Variants in GRIK4 observed in about 807,000 individuals in gnomAD.
GRIK4 encodes glutamate ionotropic receptor kainate type subunit 4.
In GRIK4, 40 loss-of-function variants were observed where a neutral mutation model predicts 104.9. The observed-to-expected ratio is 0.38, with a 90% CI of 0.30 to 0.50. The LOEUF (loss-of-function observed/expected upper bound fraction) is 0.50. GRIK4 is among the 20% of genes least tolerant of loss of function. The pLI, the probability that GRIK4 is intolerant of heterozygous loss-of-function variation, is 0.93. For missense variants in GRIK4, 1,047 were observed against 1,308.1 expected (o/e 0.80, Z 3.08); for synonymous variants, 485 against 524.9 (o/e 0.92, Z 1.04).
At chr11:120,946,214 A>G (rs1222858089) in intron 14 of GRIK4, among the ~76,000 whole-genome samples, 1 of 152,200 alleles carries the variant, frequency 6.6e-6, no homozygotes, top group African/African-American at 2.4e-5. Context: ...CAATTTACCT[A>G]ATGATGTTTT....
At chr11:120,754,113 C>T (rs1314812948) in intron 3 of GRIK4, among the ~76,000 whole-genome samples, 1 of 152,174 alleles carries the variant, frequency 6.6e-6, no homozygotes, top group African/African-American at 2.4e-5. Context: ...TCATTGCAAC[C>T]TCCACTTCCC....
rs1942796226 is a variant in GRIK4, at chr11:120,903,529, C to G, written c.1273-1761C>G. ...TGGTTCTTTCCTCCTCTTTTCTCCC[C>G]TTTTCCAGGGATTTTCCCTTCCTGC... On this transcript the variant is annotated intron_variant, in intron 12 of 20. Transcript: ENST00000527524. This position sits in a 1 kb window ranked among gnomAD's most constrained non-coding sequence, Gnocchi z 4.4. Among the ~76,000 whole-genome samples the G allele has an allele frequency of 6.6e-6, 1 of 152,258 alleles. No homozygotes were observed. Among genetic ancestry groups the G allele is most frequent in the Admixed American group, 6.5e-5 (1 of 15,292 alleles).
intron 1 of GRIK4, among the ~76,000 whole-genome samples, chr11:120,584,774 TG>T (rs1948637228): frequency 1.3e-5 from 2 of 152,204 alleles, no homozygotes; most frequent in Non-Finnish European, 2.9e-5. Flanking sequence ...TAACACGAAA[TG>T]ATGTTGAATT....
At chr11:120,639,302 G>A (rs1949440709) in intron 1 of GRIK4, among the ~76,000 whole-genome samples, 1 of 152,210 alleles carries the variant, frequency 6.6e-6, no homozygotes, top group South Asian at 2.1e-4. Flanking sequence ...CATCAGGGGC[G>A]CAATGGACAG....
At chr11:120,777,286 T>G (rs1441312149) in intron 3 of GRIK4, among the ~76,000 whole-genome samples, 1 of 152,220 alleles carries the variant, frequency 6.6e-6, no homozygotes, top group East Asian at 1.9e-4. Context: ...TTTGGTGTCA[T>G]TTCTCTGTGA....
At chr11:120,689,014 A>T (rs1324620402) in intron 3 of GRIK4, among the ~76,000 whole-genome samples, 1 of 152,146 alleles carries the variant, frequency 6.6e-6, no homozygotes, top group Non-Finnish European at 1.5e-5. Flanking sequence ...GTAGAGGCTG[A>T]CAAGTAACCA....
At chr11:120,836,270 C>T (rs1490909061) in intron 7 of GRIK4, among the ~76,000 whole-genome samples, 1 of 152,164 alleles carries the variant, frequency 6.6e-6, no homozygotes, top group Non-Finnish European at 1.5e-5. Context: ...GTGCAAGTCA[C>T]TTAGCCTTTC....
At chr11:120,820,082 C>CGTGTGTGTGT (rs35140379) in intron 6 of GRIK4, among the ~76,000 whole-genome samples, 162 bp downstream of exon 6, 15 of 144,734 alleles carry the variant, frequency 1.0e-4, no homozygotes, top group African/African-American at 3.8e-4. Flanking sequence ...CTCATGTGTC[C>CGTGTGTGTGT]GTGTGTGTGT....
chr11:120,784,833 CTT>C (rs138914791), intron 3 of GRIK4, among the ~76,000 whole-genome samples: 1,530 of 152,164 alleles, frequency 0.01, 25 homozygotes, highest in African/African-American at 0.034. Context: ...ATCCATGAGT[CTT>C]TGAGAGCAGG....
In GRIK4 at chr11:120,946,271, G is replaced by A. The variant is rs141599451; in HGVS notation, c.1590+5811G>A. On this transcript the variant is annotated intron_variant, in intron 14 of 20. Coordinates refer to ENST00000527524, the MANE Select transcript of GRIK4 (RefSeq NM_014619.5). ...AGTTTGTATTCCTCAAGCACACCCC[G>A]ACTATTATAGCAAGGCATCATCAGA... is the stretch of plus-strand genomic sequence containing the variant. Among the ~76,000 whole-genome samples the A allele has an allele frequency of 2.9e-4, 44 of 152,216 alleles. No homozygotes were observed. The East Asian group carries it at 7.7e-3, about 27-fold the overall frequency.
intron 1 of GRIK4, among the ~76,000 whole-genome samples, chr11:120,607,961 G>T (rs7947677): frequency 0.71 from 107,756 of 151,884 alleles, 38,685 homozygotes; most frequent in African/African-American, 0.78. Flanking sequence ...AAAAGACAGT[G>T]GCTGCCGAGA....
intron 3 of GRIK4, among the ~76,000 whole-genome samples, chr11:120,782,619 A>G (rs1312605290): frequency 6.6e-6 from 1 of 152,040 alleles, no homozygotes; most frequent in East Asian, 1.9e-4. Context: ...AGACATTGGG[A>G]TGCTCTGAGG....
At chr11:120,746,957 G>A (rs1390904937) in intron 3 of GRIK4, among the ~76,000 whole-genome samples, 1 of 152,194 alleles carries the variant, frequency 6.6e-6, no homozygotes, top group Admixed American at 6.5e-5. Flanking sequence ...GTGCGACATT[G>A]TGCAAACCAC....
intron 1 of GRIK4, among the ~76,000 whole-genome samples, chr11:120,519,889 T>TTTTTTTTTTTTG (rs1555132646): frequency 1.4e-5 from 2 of 146,586 alleles, no homozygotes; most frequent in African/African-American, 5.1e-5. Flanking sequence ...TGTTTTTTTT[T>TTTTTTTTTTTTG]TTGTTGTTGT....
chr11:120,562,148 C>T (rs1404093915), intron 1 of GRIK4, among the ~76,000 whole-genome samples: 3 of 152,214 alleles, frequency 2.0e-5, no homozygotes, highest in Admixed American at 2.0e-4. Context: ...ATTGATTCAC[C>T]TAAGCCCAAC....
chr11:120,657,391 C>A lies in GRIK4; in HGVS notation c.-50-2878C>A, dbSNP rs76857676. The stretch of plus-strand genomic sequence containing the variant: ...GAATTAAAGAACAAAGATTCTGGGC[C>A]TGATTTGCCAACAGCGGAGTTGCCT... On this transcript the variant is annotated intron_variant, in intron 2 of 20. Transcript: ENST00000527524. Among the ~76,000 whole-genome samples, 377 of 152,334 alleles carry A rather than the reference C, an allele frequency of 2.5e-3. 10 individuals are homozygous for A. In the East Asian group the frequency reaches 0.042, roughly 17 times the overall value.
At chr11:120,887,242 C>T (rs915499744) in intron 11 of GRIK4, among the ~76,000 whole-genome samples, 1 of 152,204 alleles carries the variant, frequency 6.6e-6, no homozygotes, top group East Asian at 1.9e-4. Flanking sequence ...TCCCTCACAT[C>T]AGTGGCCACC....
intron 3 of GRIK4, among the ~76,000 whole-genome samples, chr11:120,668,579 C>T (rs2135260323): frequency 6.6e-6 from 1 of 152,210 alleles, no homozygotes; most frequent in Non-Finnish European, 1.5e-5. Flanking sequence ...CAAGGGGGTC[C>T]CCCATGTCTC....
chr11:120,829,473 T>A (rs894742107), intron 6 of GRIK4, among the ~76,000 whole-genome samples: 8 of 152,184 alleles, frequency 5.3e-5, no homozygotes, highest in African/African-American at 1.9e-4. Context: ...CCTAAACTCC[T>A]GAGGGCAGGG....
Sources: gnomAD v4.1 joint callset for allele counts (sites outside exome capture counted in the v4.1 genomes callset) on GRCh38, gnomAD v4.1.1 for gene constraint, Gnocchi (gnomAD v3.1) non-coding constraint, MANE v1.5 for transcripts, NCBI Gene and HGNC (gene_info 2026-07-23, HGNC 2026-07-21) for gene names.